Variants in FHIT observed in about 807,000 individuals in gnomAD.
FHIT encodes fragile histidine triad diadenosine triphosphatase.
FHIT carries 19 observed loss-of-function variants against 17.9 expected under a neutral mutation model. The ratio of observed to expected loss-of-function variants is 1.06; its 90% confidence interval spans 0.74 to 1.56. The LOEUF (loss-of-function observed/expected upper bound fraction) is 1.56. Ranked by LOEUF, FHIT falls within the 40% of genes most tolerant of loss-of-function variation. FHIT has a pLI of 0.00. For missense variants in FHIT, 248 were observed against 189.2 expected (o/e 1.31, Z -1.82); for synonymous variants, 81 against 69.7 (o/e 1.16, Z -0.81).
intron 8 of FHIT, among the ~76,000 whole-genome samples, chr3:59,820,794 G>T (rs1253491136): frequency 2.0e-5 from 3 of 152,124 alleles, no homozygotes; most frequent in South Asian, 2.1e-4. Flanking sequence ...GGTGATGGGG[G>T]TCTGAGTCAG....
At chr3:61,086,454 G>T (rs936488930) in intron 2 of FHIT, among the ~76,000 whole-genome samples, 6 of 152,070 alleles carry the variant, frequency 3.9e-5, no homozygotes, top group East Asian at 1.9e-4. Flanking sequence ...GTCTGCTATT[G>T]CTTTGTTTAG....
intron 5 of FHIT, among the ~76,000 whole-genome samples, chr3:60,501,068 A>G (rs149671273): frequency 0.01 from 1,569 of 152,304 alleles, 12 homozygotes; most frequent in Non-Finnish European, 0.017. Flanking sequence ...ACTGAATTGA[A>G]GTGAACTTGA....
intron 4 of FHIT, among the ~76,000 whole-genome samples, chr3:60,773,774 A>C (rs1700125248): frequency 6.6e-6 from 1 of 152,264 alleles, no homozygotes; most frequent in African/African-American, 2.4e-5. Context: ...CAGACTATAT[A>C]GCTACAGAGA....
intron 5 of FHIT, among the ~76,000 whole-genome samples, chr3:60,107,187 CTT>C (rs1460143897): frequency 1.3e-4 from 9 of 68,190 alleles, no homozygotes; most frequent in Admixed American, 8.5e-4. Flanking sequence ...ACAAAGGACT[CTT>C]TTGTGATGGT....
intron 4 of FHIT, chr3:60,617,512 C>T (rs1447021384): frequency 6.5e-6 from 1 of 153,530 alleles, no homozygotes; most frequent in Non-Finnish European, 1.5e-5. Context: ...AAAACCCTTT[C>T]ATCTTAATTC....
chr3:60,536,062 G>T (rs1290062760), intron 5 of FHIT: 1 of 152,044 alleles, frequency 6.6e-6, no homozygotes, highest in Admixed American at 6.6e-5. Flanking sequence ...ACTAAGTGAA[G>T]GAGGAAAGAG....
chr3:60,702,034 T>C (rs1553702314), intron 4 of FHIT, among the ~76,000 whole-genome samples: 1 of 152,174 alleles, frequency 6.6e-6, no homozygotes, highest in African/African-American at 2.4e-5. Flanking sequence ...GCTAATTTTT[T>C]GTATATTTTA....
intron 1 of FHIT, among the ~76,000 whole-genome samples, chr3:61,233,526 T>C (rs1233920165): frequency 6.6e-6 from 1 of 152,192 alleles, no homozygotes; most frequent in African/African-American, 2.4e-5. Flanking sequence ...AATGCTGATT[T>C]AAAAGGCCAG....
intron 5 of FHIT, among the ~76,000 whole-genome samples, chr3:60,180,431 A>G (rs1413667770): frequency 6.6e-6 from 1 of 152,168 alleles, no homozygotes; most frequent in Admixed American, 6.5e-5. Flanking sequence ...CCTCATCCCA[A>G]TCCCAGTCCC....
chr3:59,773,630 G>T (rs1425860804), intron 8 of FHIT, among the ~76,000 whole-genome samples: 1 of 152,000 alleles, frequency 6.6e-6, no homozygotes, highest in Non-Finnish European at 1.5e-5. Flanking sequence ...ACCCTACACT[G>T]CCTGGCATCT....
rs571664862 is a variant in FHIT, at chr3:60,910,909, C to A, written c.-110-88898G>T. Among the ~76,000 whole-genome samples the A allele has an allele frequency of 3.9e-5, 6 of 152,218 alleles. No homozygotes were observed. The South Asian group carries it at 1.0e-3, about 26-fold the overall frequency. Reference sequence around the variant, plus strand: ...CCCACTGGACCTGCAATTATGTGAGCCAATATTCACCCTTTCTTTTTATCT... The same window carrying A: ...CCCACTGGACCTGCAATTATGTGAGACAATATTCACCCTTTCTTTTTATCT... On this transcript the variant is annotated intron_variant, in intron 3 of 9. Coordinates refer to ENST00000492590, the MANE Select transcript of FHIT (RefSeq NM_002012.4).
At chr3:60,688,275 G>A (rs1042333229) in intron 4 of FHIT, among the ~76,000 whole-genome samples, 1 of 152,132 alleles carries the variant, frequency 6.6e-6, no homozygotes, top group Admixed American at 6.6e-5. Context: ...TAGGTTAGAT[G>A]CATTTCCCAA....
intron 5 of FHIT, among the ~76,000 whole-genome samples, chr3:60,133,522 T>C (rs545043376): frequency 6.6e-6 from 1 of 152,208 alleles, no homozygotes; most frequent in African/African-American, 2.4e-5. Context: ...GATTCATAAA[T>C]AAATCACACA....
At chr3:60,432,150 A>AT (rs1276427844) in intron 5 of FHIT, among the ~76,000 whole-genome samples, 1 of 151,910 alleles carries the variant, frequency 6.6e-6, no homozygotes, top group Non-Finnish European at 1.5e-5. Flanking sequence ...TAATTTTTGT[A>AT]TTTTTTGTAG....
At chr3:60,875,293 G>A (rs1326078375) in intron 3 of FHIT, among the ~76,000 whole-genome samples, 1 of 151,528 alleles carries the variant, frequency 6.6e-6, no homozygotes, top group Non-Finnish European at 1.5e-5. Flanking sequence ...CCCCATCCTA[G>A]AATTCTACCC....
intron 5 of FHIT, among the ~76,000 whole-genome samples, chr3:60,366,203 T>A (rs1214615099): frequency 6.6e-6 from 1 of 152,020 alleles, no homozygotes; most frequent in African/African-American, 2.4e-5. Flanking sequence ...TGAGATGGAG[T>A]CTCACTCTGT....
chr3:60,210,512 G>C (rs944030481), intron 5 of FHIT, among the ~76,000 whole-genome samples: 1 of 105,586 alleles, frequency 9.5e-6, no homozygotes, highest in Non-Finnish European at 1.9e-5. Flanking sequence ...CTTCACTAGA[G>C]ATAAAAATCC....
At chr3:59,951,501 G>C (rs925066882) in intron 7 of FHIT, among the ~76,000 whole-genome samples, 4 of 152,172 alleles carry the variant, frequency 2.6e-5, no homozygotes, top group Non-Finnish European at 4.4e-5. Context: ...AAGGAACTCT[G>C]AAGGACTCTG....
At chr3:60,329,134 C>T (rs1250649201) in intron 5 of FHIT, among the ~76,000 whole-genome samples, 1 of 152,146 alleles carries the variant, frequency 6.6e-6, no homozygotes, top group African/African-American at 2.4e-5. Flanking sequence ...TTGTTCTTTT[C>T]AAATTAGAAG....
Sources: gnomAD v4.1 joint callset for allele counts (sites outside exome capture counted in the v4.1 genomes callset) on GRCh38, gnomAD v4.1.1 for gene constraint, MANE v1.5 for transcripts, NCBI Gene and HGNC (gene_info 2026-07-23, HGNC 2026-07-21) for gene names.